The following MCM2 variants were observed in gnomAD, a reference collection of about 807,000 sequenced individuals.
MCM2 encodes DNA replication licensing factor MCM2.
In MCM2, 49 loss-of-function variants were observed where a neutral mutation model predicts 86.4. The ratio of observed to expected loss-of-function variants is 0.57; its 90% confidence interval spans 0.45 to 0.72. The LOEUF (loss-of-function observed/expected upper bound fraction) is 0.72, where lower values mean the gene tolerates loss of function less well. Ranked by LOEUF, MCM2 falls within the 30% of genes least tolerant of loss-of-function variation. The pLI is 0.00. For synonymous variants in MCM2, 475 were observed against 484.6 expected, an observed-to-expected ratio of 0.98 and a Z score of 0.26; for missense variants, 1,038 against 1,259.9, an observed-to-expected ratio of 0.82 and a Z score of 2.67.
intron 13 of MCM2, among the ~76,000 whole-genome samples, chr3:127,619,758 A>G (rs2074462292): frequency 6.6e-6 from 1 of 152,204 alleles, no homozygotes; most frequent in Non-Finnish European, 1.5e-5. Flanking sequence ...CAAGGCAGGA[A>G]GATTGCTTGA....
At chr3:127,600,490 G>C (rs1156550146) in intron 2 of MCM2, among the ~76,000 whole-genome samples, 1 of 152,198 alleles carries the variant, frequency 6.6e-6, no homozygotes, top group Non-Finnish European at 1.5e-5. Flanking sequence ...GCATGTGTGA[G>C]AGTACTGTGC....
intron 13 of MCM2, among the ~76,000 whole-genome samples, chr3:127,620,355 T>TA (rs1436668272): frequency 6.6e-6 from 1 of 152,240 alleles, no homozygotes; most frequent in African/African-American, 2.4e-5. Context: ...TTTTTGCACT[T>TA]ACATTGTACA....
At chr3:127,620,399 A>C (rs569935267) in intron 13 of MCM2, among the ~76,000 whole-genome samples, 32 of 152,356 alleles carry the variant, frequency 2.1e-4, no homozygotes, top group African/African-American at 7.2e-4. Context: ...GACAATAACC[A>C]ATACAGCTGG....
intron 2 of MCM2, among the ~76,000 whole-genome samples, chr3:127,602,899 C>G (rs1423262250): frequency 6.6e-6 from 1 of 152,150 alleles, no homozygotes; most frequent in Non-Finnish European, 1.5e-5. Flanking sequence ...GCCTTTTGGT[C>G]TAATGTTTTG....
Position 127,616,893 on chromosome 3 carries a change from T to C in MCM2, c.1548T>C (p.Asp516=). Residue 516 remains aspartate, a synonymous_variant, in exon 10 of 16, where the codon GAT becomes GAC. Coordinates refer to ENST00000265056, the MANE Select transcript of MCM2 (RefSeq NM_004526.4). ...NPGGKHKVRG[D]INVLLCGDPG... ...GTGGCAAGCACAAGGTACGTGGTGA[T>C]ATCAACGTGCTCTTGTGCGGAGACC... is the stretch of plus-strand genomic sequence containing the variant. 1 of 1,614,124 alleles carries C rather than the reference T, an allele frequency of 6.2e-7. No individual in the cohort carries two copies. Among genetic ancestry groups the C allele is most frequent in the Non-Finnish European group, 8.5e-7 (1 of 1,180,020 alleles).
chr3:127,615,723 G>C, intron 8 of MCM2, 139 bp from the exon 9 acceptor site: 1 of 665,052 alleles, frequency 1.5e-6, no homozygotes, highest in East Asian at 2.6e-5. Context: ...TTGATACCAG[G>C]GCCTGATGCA....
At chr3:127,601,666 C>T (rs908709269) in intron 2 of MCM2, among the ~76,000 whole-genome samples, 1 of 152,180 alleles carries the variant, frequency 6.6e-6, no homozygotes. Context: ...ACACCCGGCC[C>T]GTTACAGGTT....
At chr3:127,603,537 A>T (rs189446551) in intron 2 of MCM2, among the ~76,000 whole-genome samples, 1 of 152,112 alleles carries the variant, frequency 6.6e-6, no homozygotes, top group African/African-American at 2.4e-5. Flanking sequence ...CCAGGCTGGA[A>T]TGCAGTGGCA....
chr3:127,598,752 C>T, intron 1 of MCM2: 1 of 497,902 alleles, frequency 2.0e-6, no homozygotes, highest in Non-Finnish European at 3.5e-6. Flanking sequence ...TGGCGCTGAG[C>T]GTACAAAAGA....
At chr3:127,608,588 C>T (rs976570604) in intron 7 of MCM2, 72 bp downstream of exon 7, 25 of 1,583,650 alleles carry the variant, frequency 1.6e-5, no homozygotes, top group African/African-American at 9.4e-5. Context: ...GTGGCTGGGC[C>T]GGTGGCGGTG....
intron 8 of MCM2, among the ~76,000 whole-genome samples, chr3:127,613,856 T>C (rs928361626): frequency 6.6e-6 from 1 of 152,322 alleles, no homozygotes; most frequent in East Asian, 1.9e-4. Context: ...AGGGCTGGCA[T>C]CTGGTGAGGG....
At chr3:127,600,897 T>C (rs1288977322) in intron 2 of MCM2, among the ~76,000 whole-genome samples, 6 of 152,168 alleles carry the variant, frequency 3.9e-5, no homozygotes, top group African/African-American at 9.6e-5. Flanking sequence ...AAAAAAACTT[T>C]ATTGGGCTAT....
intron 9 of MCM2, 47 bp from the exon 10 acceptor site, chr3:127,616,821 C>G: frequency 6.3e-7 from 1 of 1,590,982 alleles, no homozygotes; most frequent in Non-Finnish European, 8.6e-7. Flanking sequence ...CCCTCCTCCT[C>G]TCACTTCCCA....
rs1301469530 is a variant in MCM2 at position 127,617,298 on chromosome 3, C to G, written c.1793C>G (p.Thr598Ser). 6.2e-7 allele frequency: 1 copy of G among 1,613,932 alleles called. No individual in the cohort carries two copies. The highest frequency in any genetic ancestry group is 8.5e-7 in the Non-Finnish European group (1 of 1,180,014). Residue 598 changes from threonine to serine, a missense_variant, in exon 11 of 16, where the codon ACC (threonine) becomes AGC (serine). Thr to Ser is a moderately conservative substitution (Grantham distance 58). Coordinates refer to ENST00000265056, the MANE Select transcript of MCM2 (RefSeq NM_004526.4). The surrounding 1 kb of genome is among the most constrained non-coding windows in gnomAD (Gnocchi z 4.1). The part of the protein sequence containing the change: ...EFDKMNDQDR[T>S]SIHEAMEQQS... ...TTGCAGATGAATGACCAGGACAGAA[C>G]CAGCATCCATGAGGCCATGGAGCAA...
At position 127,606,392 on chromosome 3, in the gene MCM2, G is replaced by C; in HGVS notation, c.893+55G>C. 6.4e-7 allele frequency: 1 copy of C among 1,558,082 alleles called. No individual in the cohort carries two copies. Among genetic ancestry groups the C allele is most frequent in the East Asian group, 2.3e-5 (1 of 44,090 alleles). The stretch of plus-strand genomic sequence containing the variant: ...TCCGAGCTCAGTGCTGGGTGACTCG[G>C]TCGTGATTCCTGAAGAGCGATTGTG... On this transcript the variant is annotated intron_variant, in intron 5 of 15. Coordinates refer to ENST00000265056, the MANE Select transcript of MCM2 (RefSeq NM_004526.4). The surrounding 1 kb of genome is among the most constrained non-coding windows in gnomAD (Gnocchi z 4.2).
At chr3:127,602,056 A>G (rs1008548787) in intron 2 of MCM2, among the ~76,000 whole-genome samples, 2 of 151,736 alleles carry the variant, frequency 1.3e-5, no homozygotes, top group African/African-American at 2.4e-5. Flanking sequence ...TCTATCAGAT[A>G]TGTAATTTGC....
intron 2 of MCM2, 196 bp from the exon 3 acceptor site, chr3:127,604,412 A>G (rs1305956176): frequency 3.6e-6 from 2 of 552,940 alleles, no homozygotes; most frequent in Non-Finnish European, 6.4e-6. Flanking sequence ...TTCATCGTCC[A>G]TCATATGGAC....
rs2074356636 is a variant in MCM2, at chr3:127,606,965, C to T, written c.1101+148C>T. 1.3e-6 allele frequency: 1 copy of T among 760,382 alleles called. No individual in the cohort carries two copies. The highest frequency in any genetic ancestry group is 1.7e-5 in the South Asian group (1 of 58,824). 47.1% of individuals were successfully genotyped at this position (760,382 alleles called of 1,614,324 possible). On this transcript the variant is annotated intron_variant, in intron 6 of 15. Transcript: ENST00000265056. This position sits in a 1 kb window ranked among gnomAD's most constrained non-coding sequence, Gnocchi z 4.2. ...TGTGTTGGCCACACCCTGGGGTGGA[C>T]CCAGTCTGTCTGGCCAGTGGACTTA... is the stretch of plus-strand genomic sequence containing the variant.
At chr3:127,599,568 G>A in intron 2 of MCM2, 21 bp downstream of exon 2, 1 of 1,594,466 alleles carries the variant, frequency 6.3e-7, no homozygotes, top group Non-Finnish European at 8.6e-7. Context: ...TCAAGGCCCT[G>A]GACTCAGCAG....
Sources: gnomAD v4.1 joint callset for allele counts (sites outside exome capture counted in the v4.1 genomes callset) on GRCh38, gnomAD v4.1.1 for gene constraint, Gnocchi (gnomAD v3.1) non-coding constraint, MANE v1.5 for transcripts, NCBI Gene and HGNC (gene_info 2026-07-23, HGNC 2026-07-21) for gene names.